SHLD2: variants seen among roughly 807,000 people sequenced by gnomAD.
The protein encoded by SHLD2 is shieldin complex subunit 2, also known as RINN1-REV7-interacting novel NHEJ regulator 2.
In SHLD2, 30 loss-of-function variants were observed where a neutral mutation model predicts 73.2. The ratio of observed to expected loss-of-function variants is 0.41; its 90% CI spans 0.31 to 0.56. The LOEUF is 0.56. SHLD2 is among the 20% of genes least tolerant of loss of function. SHLD2 has a pLI of 0.28. For missense variants in SHLD2, 745 were observed against 1,055.9 expected (o/e 0.71, Z 4.08); for synonymous variants, 285 against 370.1 (o/e 0.77, Z 2.64).
intron 2 of SHLD2, among the ~76,000 whole-genome samples, chr10:87,116,036 A>G (rs182812464): frequency 7.8e-4 from 119 of 152,344 alleles, no homozygotes; most frequent in Admixed American, 1.2e-3. Context: ...GCCATCTGCA[A>G]TGTCAAATGT....
intron 2 of SHLD2, among the ~76,000 whole-genome samples, chr10:87,127,902 G>T (rs1054813994): frequency 6.6e-6 from 1 of 151,962 alleles, no homozygotes; most frequent in Admixed American, 6.6e-5. Context: ...TTATGATGTC[G>T]TGCAAGTAAT....
chr10:87,122,572 C>T (rs1486009766), intron 2 of SHLD2, among the ~76,000 whole-genome samples: 2 of 151,894 alleles, frequency 1.3e-5, no homozygotes, highest in Non-Finnish European at 2.9e-5. Context: ...ACTGTATTAT[C>T]TCCCTTGGAC....
At chr10:87,149,458 C>G (rs1845858648) in intron 2 of SHLD2, among the ~76,000 whole-genome samples, 1 of 151,994 alleles carries the variant, frequency 6.6e-6, no homozygotes, top group Non-Finnish European at 1.5e-5. Context: ...CACGGTGGCT[C>G]ACACCTGTAA....
intron 9 of SHLD2, among the ~76,000 whole-genome samples, chr10:87,189,002 C>CT (rs10708013): frequency 5.4e-4 from 62 of 113,942 alleles, no homozygotes; most frequent in East Asian, 2.0e-3. Flanking sequence ...GTAATCTCTT[C>CT]TTTTTTTTTT....
chr10:87,112,798 A>C (rs1843013316), intron 2 of SHLD2, among the ~76,000 whole-genome samples: 1 of 151,912 alleles, frequency 6.6e-6, no homozygotes, highest in African/African-American at 2.4e-5. Context: ...AGGGTTCCTT[A>C]CTGATAGGGA....
chr10:87,096,019 G>C (rs1841841311), intron 1 of SHLD2, among the ~76,000 whole-genome samples: 1 of 152,296 alleles, frequency 6.6e-6, no homozygotes, highest in East Asian at 1.9e-4. Flanking sequence ...TTGTTAAATG[G>C]TTCAGTATAT....
In SHLD2 at chr10:87,103,863, G is replaced by A. The variant is rs539364416; in HGVS notation, c.-6+6874G>A. ...ACTCTTGGTTAAGGGTTCCTTTCATGTTGTGAGTAAACATGAACAATATAG... is the reference window on the plus strand; with the variant it reads ...ACTCTTGGTTAAGGGTTCCTTTCATATTGTGAGTAAACATGAACAATATAG... On this transcript the variant is annotated intron_variant, in intron 2 of 9. Transcript: ENST00000298786. 5.8e-4 allele frequency among the ~76,000 whole-genome samples: 89 copies of A among 152,304 alleles called. 4 individuals carry two copies. The South Asian group carries it at 0.018, about 31-fold the overall frequency.
intron 2 of SHLD2, among the ~76,000 whole-genome samples, chr10:87,107,948 A>G (rs773984633): frequency 1.3e-5 from 2 of 151,784 alleles, no homozygotes; most frequent in Non-Finnish European, 2.9e-5. Flanking sequence ...CAGTGGTGCA[A>G]TCTCAGCTCA....
chr10:87,173,588 A>G (rs1357122900), intron 6 of SHLD2, among the ~76,000 whole-genome samples: 10 of 152,354 alleles, frequency 6.6e-5, no homozygotes, highest in Admixed American at 5.9e-4. Flanking sequence ...TTTCAGATAC[A>G]TTAGAGATTC....
At chr10:87,149,997 A>G (rs1196007888) in intron 2 of SHLD2, among the ~76,000 whole-genome samples, 2 of 148,650 alleles carry the variant, frequency 1.3e-5, no homozygotes, top group African/African-American at 5.0e-5. Context: ...TGATCCTCCC[A>G]CCTCGGCCTC....
chr10:87,099,747 C>A (rs891783700), intron 2 of SHLD2, among the ~76,000 whole-genome samples: 1 of 152,210 alleles, frequency 6.6e-6, no homozygotes, highest in African/African-American at 2.4e-5. Flanking sequence ...TTAATTCTTA[C>A]CAGCAGTGAA....
chr10:87,142,977 T>C (rs1845313115), intron 2 of SHLD2, among the ~76,000 whole-genome samples: 1 of 145,530 alleles, frequency 6.9e-6, no homozygotes, highest in South Asian at 2.2e-4. Flanking sequence ...TCATCCAGGC[T>C]GGAGTGCAGT....
intron 2 of SHLD2, among the ~76,000 whole-genome samples, chr10:87,139,013 A>G (rs1392889511): frequency 6.6e-6 from 1 of 152,238 alleles, no homozygotes; most frequent in Non-Finnish European, 1.5e-5. Context: ...ACAGAAATCT[A>G]TAGAAGTAAG....
At chr10:87,141,154 G>A (rs1845167806) in intron 2 of SHLD2, among the ~76,000 whole-genome samples, 1 of 152,120 alleles carries the variant, frequency 6.6e-6, no homozygotes, top group African/African-American at 2.4e-5. Flanking sequence ...GGTGGCATGG[G>A]CCTGTAGTCC....
chr10:87,101,133 T>G (rs1389595757), intron 2 of SHLD2, among the ~76,000 whole-genome samples: 2 of 152,174 alleles, frequency 1.3e-5, no homozygotes, highest in African/African-American at 4.8e-5. Flanking sequence ...TATGAGATGG[T>G]AACTCCCGAA....
At chr10:87,138,242 G>A (rs1844936352) in intron 2 of SHLD2, among the ~76,000 whole-genome samples, 2 of 152,094 alleles carry the variant, frequency 1.3e-5, no homozygotes, top group African/African-American at 2.4e-5. Context: ...AGGTTGCAGT[G>A]AGCTGAGATC....
chr10:87,172,377 G>A (rs1216388775), intron 6 of SHLD2, among the ~76,000 whole-genome samples: 1 of 152,094 alleles, frequency 6.6e-6, no homozygotes. Flanking sequence ...ACTGTGATCA[G>A]GAAGACAAGG....
At chr10:87,116,712 T>C (rs902188509) in intron 2 of SHLD2, among the ~76,000 whole-genome samples, 4 of 151,824 alleles carry the variant, frequency 2.6e-5, no homozygotes, top group African/African-American at 9.7e-5. Flanking sequence ...TTAGAAAAAA[T>C]GGAATCATGG....
At chr10:87,150,011 A>G (rs774879964) in intron 2 of SHLD2, among the ~76,000 whole-genome samples, 71 of 151,892 alleles carry the variant, frequency 4.7e-4, no homozygotes, top group South Asian at 4.0e-3. Context: ...CGGCCTCCCA[A>G]AGTGCTGGGA....
Sources: gnomAD v4.1 joint callset for allele counts (sites outside exome capture counted in the v4.1 genomes callset) on GRCh38, gnomAD v4.1.1 for gene constraint, MANE v1.5 for transcripts, NCBI Gene and HGNC (gene_info 2026-07-23, HGNC 2026-07-21) for gene names.